CPA6: variants seen among roughly 807,000 people sequenced by gnomAD.
The protein encoded by CPA6 is carboxypeptidase B.
In CPA6, 58 loss-of-function variants were observed where a neutral mutation model predicts 63.3. That is an observed-to-expected ratio of 0.92 (90% confidence interval 0.74 to 1.14). The LOEUF is 1.14. Ranked by LOEUF, CPA6 falls within the 50% of genes most tolerant of loss-of-function variation. The pLI is 0.00. For missense variants in CPA6, 565 were observed against 526.6 expected (o/e 1.07, Z -0.71); for synonymous variants, 185 against 179.0 (o/e 1.03, Z -0.27).
intron 1 of CPA6, among the ~76,000 whole-genome samples, chr8:67,718,897 G>A (rs1224763801): frequency 1.3e-5 from 2 of 151,988 alleles, no homozygotes; most frequent in Non-Finnish European, 2.9e-5. Flanking sequence ...TGCCCACCTC[G>A]GCCTCCTGAA....
chr8:67,627,778 TG>T (rs1815226096), intron 1 of CPA6, among the ~76,000 whole-genome samples: 1 of 152,250 alleles, frequency 6.6e-6, no homozygotes, highest in African/African-American at 2.4e-5. Context: ...AATGAGGTTA[TG>T]TAGCTATAAA....
intron 2 of CPA6, among the ~76,000 whole-genome samples, chr8:67,612,103 A>G (rs991228914): frequency 3.9e-5 from 6 of 152,216 alleles, no homozygotes; most frequent in Non-Finnish European, 7.3e-5. Context: ...TGGTTGCACA[A>G]TACAAATTCA....
chr8:67,641,805 C>A (rs1464071222), intron 1 of CPA6, among the ~76,000 whole-genome samples: 1 of 151,812 alleles, frequency 6.6e-6, no homozygotes, highest in Non-Finnish European at 1.5e-5. Flanking sequence ...ATACAATTAA[C>A]CACATAGCAA....
At chr8:67,580,174 T>C (rs1409963743) in intron 2 of CPA6, among the ~76,000 whole-genome samples, 2 of 152,190 alleles carry the variant, frequency 1.3e-5, no homozygotes, top group Non-Finnish European at 2.9e-5. Flanking sequence ...TCCCACCATA[T>C]GGCCACCTAC....
chr8:67,701,417 AC>A (rs1817022081), intron 1 of CPA6, among the ~76,000 whole-genome samples: 1 of 152,240 alleles, frequency 6.6e-6, no homozygotes, highest in Non-Finnish European at 1.5e-5. Context: ...CTGAATTATT[AC>A]TAGACAGTTA....
intron 6 of CPA6, among the ~76,000 whole-genome samples, chr8:67,505,188 A>G (rs1042334628): frequency 1.3e-5 from 2 of 152,200 alleles, no homozygotes; most frequent in African/African-American, 4.8e-5. Context: ...TCATCCAGAA[A>G]TCTTTCCACA....
At chr8:67,696,340 C>T (rs1040134142) in intron 1 of CPA6, among the ~76,000 whole-genome samples, 5 of 152,120 alleles carry the variant, frequency 3.3e-5, no homozygotes, top group African/African-American at 1.2e-4. Context: ...ATTACAGCCA[C>T]ACTGAGAAGC....
intron 2 of CPA6, chr8:67,569,511 T>A: frequency 2.3e-6 from 1 of 430,240 alleles, no homozygotes; most frequent in African/African-American, 2.0e-5. Context: ...CTAACAGTGA[T>A]GAATCAGTAC....
At chr8:67,463,847 C>T (rs541290963) in intron 8 of CPA6, among the ~76,000 whole-genome samples, 184 of 152,320 alleles carry the variant, frequency 1.2e-3, no homozygotes, top group Non-Finnish European at 1.9e-3. Context: ...CTGCAAAGGA[C>T]ATGATTTCAT....
At chr8:67,530,858 A>G (rs1812462724) in intron 2 of CPA6, among the ~76,000 whole-genome samples, 1 of 152,212 alleles carries the variant, frequency 6.6e-6, no homozygotes, top group Admixed American at 6.5e-5. Flanking sequence ...ACTTTGTAGT[A>G]ATAAATGCAA....
chr8:67,475,897 T>TCTC (rs1563968148), intron 8 of CPA6, among the ~76,000 whole-genome samples: 4 of 89,436 alleles, frequency 4.5e-5, no homozygotes, highest in Non-Finnish European at 8.8e-5. Flanking sequence ...TTTCTTTCTT[T>TCTC]CTTTCTTTCT....
intron 8 of CPA6, among the ~76,000 whole-genome samples, chr8:67,473,925 A>T (rs1005789289): frequency 6.6e-6 from 1 of 152,140 alleles, no homozygotes; most frequent in Non-Finnish European, 1.5e-5. Flanking sequence ...GATTAAAAAA[A>T]AAAAGTATAA....
chr8:67,686,080 A>G (rs989976298), intron 1 of CPA6, among the ~76,000 whole-genome samples: 1 of 152,226 alleles, frequency 6.6e-6, no homozygotes, highest in African/African-American at 2.4e-5. Flanking sequence ...TGCATAGCAT[A>G]TAGTAGGTCT....
chr8:67,629,505 C>G (rs1438582945), intron 1 of CPA6, among the ~76,000 whole-genome samples: 2 of 148,388 alleles, frequency 1.3e-5, no homozygotes, highest in African/African-American at 5.0e-5. Flanking sequence ...AAATAAGACC[C>G]AAAGTACTTC....
intron 1 of CPA6, among the ~76,000 whole-genome samples, chr8:67,720,043 T>C (rs1817462915): frequency 6.6e-6 from 1 of 151,846 alleles, no homozygotes; most frequent in Non-Finnish European, 1.5e-5. Flanking sequence ...TGGGGGCAGG[T>C]GGGCTGAGTC....
At chr8:67,525,093 G>A (rs1812335295) in intron 2 of CPA6, among the ~76,000 whole-genome samples, 1 of 152,060 alleles carries the variant, frequency 6.6e-6, no homozygotes, top group African/African-American at 2.4e-5. Context: ...AATATTGGTG[G>A]GCTGCTGACA....
intron 8 of CPA6, among the ~76,000 whole-genome samples, chr8:67,441,544 G>GAAGAGCAGA (rs1415927961): frequency 1.3e-5 from 2 of 152,150 alleles, no homozygotes; most frequent in African/African-American, 4.8e-5. Flanking sequence ...TCTTGGAAAA[G>GAAGAGCAGA]AAGAGCAGAG....
chr8:67,448,348 G>A (rs1056846472), intron 8 of CPA6, among the ~76,000 whole-genome samples: 4 of 151,996 alleles, frequency 2.6e-5, no homozygotes, highest in African/African-American at 4.8e-5. Context: ...TGTAAAAAAT[G>A]GCTTTTGTTT....
intron 1 of CPA6, among the ~76,000 whole-genome samples, chr8:67,692,605 T>A (rs902582124): frequency 3.9e-5 from 6 of 152,240 alleles, no homozygotes; most frequent in African/African-American, 1.4e-4. Flanking sequence ...GTAAATCATG[T>A]CTTCCTAAGC....
Sources: allele counts gnomAD v4.1 joint callset (sites outside exome capture counted in the v4.1 genomes callset), GRCh38; gene constraint gnomAD v4.1.1; transcripts MANE v1.5; gene names NCBI Gene and HGNC (gene_info 2026-07-23, HGNC 2026-07-21).